Variants in TAF3 observed in about 807,000 individuals in gnomAD.
The protein encoded by TAF3 is transcription initiation factor TFIID subunit 3.
TAF3 carries 7 observed loss-of-function variants against 80.6 expected under a neutral mutation model. The ratio of observed to expected loss-of-function variants is 0.09; its 90% CI spans 0.05 to 0.16. TAF3 has a LOEUF of 0.16. TAF3 is among the 10% of genes least tolerant of loss of function. TAF3 has a pLI of 1.00. For synonymous variants in TAF3, 444 were observed against 446.1 expected (o/e 1.00, Z 0.06); for missense variants, 921 against 1,140.2 (o/e 0.81, Z 2.77).
At chr10:7,963,273 T>C (rs1831528177) in intron 2 of TAF3, among the ~76,000 whole-genome samples, 1 of 152,204 alleles carries the variant, frequency 6.6e-6, no homozygotes, top group African/African-American at 2.4e-5. Flanking sequence ...GGTGTGTGGG[T>C]GCGCACGTGT....
chr10:7,861,863 T>A (rs1294323605), intron 2 of TAF3, among the ~76,000 whole-genome samples: 1 of 152,192 alleles, frequency 6.6e-6, no homozygotes, highest in Non-Finnish European at 1.5e-5. Flanking sequence ...ACTGGAAAGT[T>A]TTTAGCTATT....
chr10:7,898,116 G>C (rs2131168781), intron 2 of TAF3, among the ~76,000 whole-genome samples: 1 of 151,998 alleles, frequency 6.6e-6, no homozygotes, highest in East Asian at 1.9e-4. Context: ...GTATCAACTG[G>C]TATGCTTTCA....
At chr10:7,866,271 T>C (rs554089662) in intron 2 of TAF3, among the ~76,000 whole-genome samples, 10 of 152,190 alleles carry the variant, frequency 6.6e-5, no homozygotes, top group Non-Finnish European at 1.3e-4. Context: ...ATAGGCAGGC[T>C]CTGCTTCCAT....
chr10:7,979,834 G>A (rs1250667116), intron 4 of TAF3, among the ~76,000 whole-genome samples: 2 of 151,848 alleles, frequency 1.3e-5, no homozygotes, highest in African/African-American at 2.4e-5. Context: ...TGGGGTGGGG[G>A]GTGGTTCTAA....
Position 7,965,342 on chromosome 10 carries a change from A to G in TAF3, c.1832A>G (p.Lys611Arg), listed in dbSNP as rs1484496671. The G allele has an allele frequency of 3.1e-6, 5 of 1,603,160 alleles. No homozygotes were observed. Among genetic ancestry groups the G allele is most frequent in the Non-Finnish European group, 4.2e-6 (5 of 1,177,428 alleles). The change falls in exon 3 of 7, where the codon AAG (lysine) becomes AGG (arginine). Residue 611 changes from lysine to arginine, a missense_variant. This residue lies in a region of TAF3 where 743 missense variants were observed against 821.0 expected (regional missense o/e 0.90). Coordinates refer to ENST00000344293, the MANE Select transcript of TAF3 (RefSeq NM_031923.4). ...AAATTGAAAGATGGACTTGTGAGGA[A>G]GGAGAAAGAGAAGCATAAAGATAAG... ...KVKLKDGLVR[K>R]EKEKHKDKKK...
chr10:7,871,435 C>CTTTTTTTTTTTT lies in TAF3; in HGVS notation c.409+46889_409+46900dup, dbSNP rs527356726. 1.6e-3 allele frequency among the ~76,000 whole-genome samples: 108 copies of CTTTTTTTTTTTT among 69,108 alleles called. 5 individuals carry two copies. Among genetic ancestry groups the CTTTTTTTTTTTT allele is most frequent in the African/African-American group, 2.5e-3 (52 of 20,546 alleles). 45.3% of individuals were successfully genotyped at this position (69,108 alleles called of 152,430 possible). Reference sequence around the variant, plus strand: ...CTAAATTGATGACAAATAACTGCTGCTTTTTTTTTTTTTTTTTTTTTTTTT... The same window carrying CTTTTTTTTTTTT: ...CTAAATTGATGACAAATAACTGCTGCTTTTTTTTTTTTTTTTTTTTTTTTTTTTTTTTTTTTT... On this transcript the variant is annotated intron_variant, in intron 2 of 6. Transcript: ENST00000344293.
At chr10:7,994,431 G>C (rs777877855) in intron 4 of TAF3, among the ~76,000 whole-genome samples, 2 of 152,058 alleles carry the variant, frequency 1.3e-5, no homozygotes, top group Non-Finnish European at 2.9e-5. Context: ...ATAGGAAATA[G>C]ATGGGTTTGA....
intron 3 of TAF3, among the ~76,000 whole-genome samples, chr10:7,969,810 T>G (rs1261800448): frequency 6.6e-6 from 1 of 152,204 alleles, no homozygotes. Flanking sequence ...AGCATGGCTT[T>G]GGCAGCCACA....
In TAF3 at chr10:7,965,075, A is replaced by C; in HGVS notation, c.1565A>C (p.Lys522Thr). 3 of 1,614,092 alleles carry C rather than the reference A, an allele frequency of 1.9e-6. No homozygotes were observed. The highest frequency in any genetic ancestry group is 2.5e-6 in the Non-Finnish European group (3 of 1,180,038). ...KTKLPSSVEV[K>T]KKLKKELKTK... The stretch of plus-strand genomic sequence containing the variant: ...AAGCTGCCTTCCTCCGTGGAGGTAA[A>C]GAAGAAGTTGAAAAAGGAACTAAAG... The change falls in exon 3 of 7, where the codon AAG becomes ACG. Residue 522 changes from lysine (K) to threonine (T), a missense_variant. By Grantham distance (78) the Lys-to-Thr change is moderately conservative (BLOSUM62 -1). Coordinates refer to ENST00000344293, the MANE Select transcript of TAF3 (RefSeq NM_031923.4).
At chr10:7,935,274 CTAAATAAA>C (rs34069819) in intron 2 of TAF3, among the ~76,000 whole-genome samples, 57 of 150,112 alleles carry the variant, frequency 3.8e-4, no homozygotes, top group African/African-American at 9.6e-4. Flanking sequence ...AACTCTGTTT[CTAAATAAA>C]TAAATAAATA....
At chr10:7,950,139 AAACAGAC>A (rs1318794289) in intron 2 of TAF3, among the ~76,000 whole-genome samples, 5 of 152,212 alleles carry the variant, frequency 3.3e-5, no homozygotes, top group African/African-American at 1.2e-4. Context: ...TTTGTTGGGG[AAACAGAC>A]AAGAAATGCA....
intron 2 of TAF3, among the ~76,000 whole-genome samples, chr10:7,935,510 G>T (rs139948318): frequency 0.051 from 7,769 of 152,020 alleles, 266 homozygotes; most frequent in East Asian, 0.14. Context: ...CGTGAACCCG[G>T]GAGGCGGAGC....
intron 3 of TAF3, 143 bp downstream of exon 3, chr10:7,965,885 A>T: frequency 7.7e-7 from 1 of 1,294,764 alleles, no homozygotes; most frequent in Non-Finnish European, 1.0e-6. Context: ...AGGTTACAAA[A>T]TTTGATTTTA....
intron 2 of TAF3, among the ~76,000 whole-genome samples, chr10:7,961,862 T>C (rs931663386): frequency 4.6e-5 from 7 of 152,116 alleles, no homozygotes; most frequent in African/African-American, 1.7e-4. Flanking sequence ...CTTTTTTTTT[T>C]CTTTAAAAAT....
chr10:7,825,792 C>G (rs543671342), intron 2 of TAF3, among the ~76,000 whole-genome samples: 1 of 152,110 alleles, frequency 6.6e-6, no homozygotes, highest in Non-Finnish European at 1.5e-5. Flanking sequence ...TGATTAATGC[C>G]GCTATGAACA....
At chr10:8,010,545 G>A (rs1358593780) in intron 5 of TAF3, among the ~76,000 whole-genome samples, 1 of 152,208 alleles carries the variant, frequency 6.6e-6, no homozygotes, top group African/African-American at 2.4e-5. Flanking sequence ...GAATATGCCA[G>A]GGCTTGCATA....
intron 2 of TAF3, among the ~76,000 whole-genome samples, chr10:7,954,120 G>A (rs2131405367): frequency 7.8e-6 from 1 of 128,784 alleles, no homozygotes; most frequent in South Asian, 3.0e-4. Flanking sequence ...CTCCATAGGT[G>A]AATGAATGAA....
chr10:7,993,577 T>C (rs1831854821), intron 4 of TAF3, among the ~76,000 whole-genome samples: 1 of 152,218 alleles, frequency 6.6e-6, no homozygotes, highest in African/African-American at 2.4e-5. Context: ...TTCTTCGTAG[T>C]GTCATTTAAA....
In TAF3 at chr10:7,927,268, T is replaced by C. The variant is rs562297316; in HGVS notation, c.410-36652T>C. Among the ~76,000 whole-genome samples, 7 of 152,364 alleles carry C rather than the reference T, an allele frequency of 4.6e-5. No individual in the cohort carries two copies. In the South Asian group the frequency reaches 1.4e-3, roughly 32 times the overall value. ...CAAATTATTTTGTCCATGGTGGCCA[T>C]GTAATTGCCATTCTCATTCTTCTCT... On this transcript the variant is annotated intron_variant, in intron 2 of 6. Coordinates refer to ENST00000344293, the MANE Select transcript of TAF3 (RefSeq NM_031923.4).
Sources: gnomAD v4.1 joint callset for allele counts (sites outside exome capture counted in the v4.1 genomes callset) on GRCh38, gnomAD v4.1.1 for gene constraint, gnomAD v4.1.1 regional missense constraint, MANE v1.5 for transcripts, NCBI Gene and HGNC (gene_info 2026-07-23, HGNC 2026-07-21) for gene names.